NEK11: variants seen among roughly 807,000 people sequenced by gnomAD.
NEK11 encodes NIMA related kinase 11.
A neutral mutation model predicts 80.7 loss-of-function variants in NEK11; 72 were observed. The ratio of observed to expected loss-of-function variants is 0.89; its 90% CI spans 0.74 to 1.08. The LOEUF (loss-of-function observed/expected upper bound fraction) is 1.08, where lower values mean the gene tolerates loss of function less well. Ranked by LOEUF, NEK11 falls within the 50% of genes least tolerant of loss-of-function variation. NEK11 has a pLI of 0.00. For missense variants in NEK11, 764 were observed against 763.6 expected, an observed-to-expected ratio of 1.00 and a Z score of -0.01; for synonymous variants, 251 against 260.7, an observed-to-expected ratio of 0.96 and a Z score of 0.36.
At chr3:131,141,045 T>C (rs978203945) in intron 7 of NEK11, among the ~76,000 whole-genome samples, 12 of 152,192 alleles carry the variant, frequency 7.9e-5, no homozygotes, top group African/African-American at 2.9e-4. Flanking sequence ...AAAACAACCA[T>C]GGTATTTATA....
chr3:131,270,368 C>T (rs774061361), intron 16 of NEK11, among the ~76,000 whole-genome samples: 13 of 152,156 alleles, frequency 8.5e-5, no homozygotes, highest in South Asian at 2.1e-4. Flanking sequence ...CATATGGAAA[C>T]GTAGAATCCC....
At chr3:131,045,454 G>C (rs1300696929) in intron 3 of NEK11, among the ~76,000 whole-genome samples, 1 of 152,084 alleles carries the variant, frequency 6.6e-6, no homozygotes, top group African/African-American at 2.4e-5. Flanking sequence ...TATTTCCATG[G>C]TTTTGAGAGT....
chr3:131,175,029 A>G, intron 14 of NEK11: 1 of 1,285,118 alleles, frequency 7.8e-7, no homozygotes, highest in Non-Finnish European at 9.8e-7. Context: ...GCTTGCCTGT[A>G]GGAGCCCCAC....
intron 14 of NEK11, among the ~76,000 whole-genome samples, chr3:131,213,835 A>T (rs1424498088): frequency 1.3e-5 from 2 of 152,164 alleles, no homozygotes; most frequent in South Asian, 2.1e-4. Flanking sequence ...TTGTCCCCCC[A>T]GATTCATCAT....
At chr3:131,257,939 A>G (rs771933980) in intron 16 of NEK11, among the ~76,000 whole-genome samples, 6 of 152,190 alleles carry the variant, frequency 3.9e-5, no homozygotes, top group Non-Finnish European at 7.3e-5. Flanking sequence ...CAATGAGTAA[A>G]GAAAATGTGG....
At chr3:131,251,034 AGT>A (rs1180160786) in intron 16 of NEK11, among the ~76,000 whole-genome samples, 6 of 151,762 alleles carry the variant, frequency 4.0e-5, no homozygotes, top group African/African-American at 1.5e-4. Flanking sequence ...AATATTTGTA[AGT>A]GTATGTGTGC....
chr3:131,064,715 C>T (rs2071560225), intron 3 of NEK11, among the ~76,000 whole-genome samples: 1 of 152,050 alleles, frequency 6.6e-6, no homozygotes, highest in African/African-American at 2.4e-5. Context: ...TTTAATGGTA[C>T]ATGAATTATG....
chr3:131,144,301 A>C (rs1443590645), intron 7 of NEK11, among the ~76,000 whole-genome samples: 1 of 152,118 alleles, frequency 6.6e-6, no homozygotes, highest in Non-Finnish European at 1.5e-5. Flanking sequence ...ATCTCTTCAC[A>C]GTTGTCTGTA....
chr3:131,069,616 G>A (rs2072832981), intron 3 of NEK11, among the ~76,000 whole-genome samples: 1 of 151,736 alleles, frequency 6.6e-6, no homozygotes, highest in African/African-American at 2.4e-5. Flanking sequence ...AGAAAATGTG[G>A]CACATATACA....
rs549439758 is a variant in NEK11, at chr3:131,322,150, G to A, written c.1719-27407G>A. 2.0e-5 allele frequency among the ~76,000 whole-genome samples: 3 copies of A among 152,260 alleles called. No homozygotes were observed. In the South Asian group the frequency reaches 6.2e-4, roughly 32 times the overall value. On this transcript the variant is annotated intron_variant, in intron 17 of 17. Coordinates refer to ENST00000383366, the MANE Select transcript of NEK11 (RefSeq NM_024800.5). The stretch of plus-strand genomic sequence containing the variant: ...GTGGTAAATATACACCATGGAATAT[G>A]CTGCAGCCATAAAAAAGAATGTAAT...
chr3:131,041,952 C>T (rs2066556466), intron 3 of NEK11, among the ~76,000 whole-genome samples: 1 of 151,990 alleles, frequency 6.6e-6, no homozygotes, highest in Non-Finnish European at 1.5e-5. Flanking sequence ...CCACGGAGGG[C>T]GAGCAGAAGG....
Position 131,098,637 on chromosome 3 carries a change from G to A in NEK11, c.337-11166G>A, listed in dbSNP as rs561636585. Among the ~76,000 whole-genome samples the A allele has an allele frequency of 3.3e-3, 499 of 149,568 alleles. 3 individuals carry two copies. The highest frequency in any genetic ancestry group is 0.011 in the African/African-American group (451 of 40,440). On this transcript the variant is annotated intron_variant, in intron 4 of 17. Transcript: ENST00000383366. ...GTTGCCCAGGCTGGAGTGTAGTGGC[G>A]CAATCTCCGCTCACTGAAACCTCTG...
At chr3:131,035,083 A>G (rs2065449574) in intron 3 of NEK11, among the ~76,000 whole-genome samples, 2 of 152,100 alleles carry the variant, frequency 1.3e-5, no homozygotes, top group South Asian at 2.1e-4. Context: ...TTCCCCCTCT[A>G]TCTCATATGT....
intron 3 of NEK11, among the ~76,000 whole-genome samples, chr3:131,054,215 G>T (rs920253378): frequency 6.6e-6 from 1 of 152,138 alleles, no homozygotes; most frequent in African/African-American, 2.4e-5. Flanking sequence ...GCCGGGTGTG[G>T]TCCCAGCTAC....
intron 14 of NEK11, chr3:131,184,897 G>T (rs1042459768): frequency 3.3e-6 from 1 of 303,042 alleles, no homozygotes; most frequent in Non-Finnish European, 6.0e-6. Flanking sequence ...TTGTTCTTCT[G>T]CAGTAACTAT....
At chr3:131,184,007 C>A (rs112178077) in intron 14 of NEK11, among the ~76,000 whole-genome samples, 2 of 152,148 alleles carry the variant, frequency 1.3e-5, no homozygotes, top group African/African-American at 4.8e-5. Flanking sequence ...AGGAACTCCA[C>A]GATTCTTTGG....
At chr3:131,310,513 T>G (rs904390196) in intron 17 of NEK11, among the ~76,000 whole-genome samples, 1 of 152,238 alleles carries the variant, frequency 6.6e-6, no homozygotes, top group African/African-American at 2.4e-5. Flanking sequence ...TTAGCTATTA[T>G]CTTCTAAAGA....
intron 16 of NEK11, among the ~76,000 whole-genome samples, chr3:131,254,668 T>C (rs2095770654): frequency 6.6e-6 from 1 of 152,166 alleles, no homozygotes. Flanking sequence ...AGCCTTTTTA[T>C]AAATATAGTT....
At chr3:131,297,429 T>C (rs2096607262) in intron 17 of NEK11, among the ~76,000 whole-genome samples, 2 of 151,830 alleles carry the variant, frequency 1.3e-5, no homozygotes, top group South Asian at 2.1e-4. Context: ...TGAGCATTTT[T>C]TCATGTGTTT....
Sources: allele counts gnomAD v4.1 joint callset (sites outside exome capture counted in the v4.1 genomes callset), GRCh38; gene constraint gnomAD v4.1.1; transcripts MANE v1.5; gene names NCBI Gene and HGNC (gene_info 2026-07-23, HGNC 2026-07-21).